Variants in ZNF426 observed in about 807,000 individuals in gnomAD.
The protein encoded by ZNF426 is zinc finger protein 426.
ZNF426 carries 23 observed loss-of-function variants against 24.0 expected under a neutral mutation model. The observed-to-expected ratio is 0.96, with a 90% CI of 0.69 to 1.36. The LOEUF is 1.36. Ranked by LOEUF, ZNF426 falls within the 40% of genes most tolerant of loss-of-function variation. The pLI, the probability that ZNF426 is intolerant of heterozygous loss-of-function variation, is 0.00. For synonymous variants in ZNF426, 272 were observed against 224.6 expected (o/e 1.21, Z -1.89); for missense variants, 646 against 658.4 (o/e 0.98, Z 0.21).
chr19:9,535,835 GAA>G (rs1214992506), intron 3 of ZNF426, among the ~76,000 whole-genome samples: 5 of 102,930 alleles, frequency 4.9e-5, no homozygotes, highest in Non-Finnish European at 6.5e-5. Flanking sequence ...CTTTGTATAA[GAA>G]AAAAAAAAAA....
chr19:9,534,486 T>C (rs2073935114), intron 4 of ZNF426, among the ~76,000 whole-genome samples: 1 of 152,232 alleles, frequency 6.6e-6, no homozygotes, highest in Non-Finnish European at 1.5e-5. Context: ...ATTACAGGCA[T>C]GAGCCACTGT....
chr19:9,535,038 C>G (rs1456295398), intron 4 of ZNF426, 150 bp downstream of exon 4: 2 of 571,640 alleles, frequency 3.5e-6, no homozygotes, highest in African/African-American at 4.0e-5. Context: ...GAGAGCATAG[C>G]ACTGCACTCC....
chr19:9,530,763 A>G (rs1393716712), intron 7 of ZNF426, among the ~76,000 whole-genome samples: 1 of 151,928 alleles, frequency 6.6e-6, no homozygotes, highest in Non-Finnish European at 1.5e-5. Flanking sequence ...ATCTCGTTTC[A>G]AAAAAACACC....
At chr19:9,534,819 TCCTGTACTCAAGCAATCTG>T (rs1158492790) in intron 4 of ZNF426, among the ~76,000 whole-genome samples, 1 of 151,986 alleles carries the variant, frequency 6.6e-6, no homozygotes, top group Non-Finnish European at 1.5e-5. Flanking sequence ...GATCTTGAAC[TCCTGTACTCAAGCAATCTG>T]CCTGCCTCAG....
chr19:9,536,170 C>A, intron 3 of ZNF426, 38 bp downstream of exon 3: 3 of 1,614,024 alleles, frequency 1.9e-6, no homozygotes, highest in Non-Finnish European at 1.7e-6. Flanking sequence ...TAAAGGGAAC[C>A]TAGAACAGGA....
rs1468535618 is a variant in ZNF426, at chr19:9,528,454, G to T, written c.1591C>A (p.Pro531Thr). 2 of 1,613,940 alleles carry T rather than the reference G, an allele frequency of 1.2e-6. No homozygotes were observed. Among genetic ancestry groups the T allele is most frequent in the Non-Finnish European group, 1.7e-6 (2 of 1,179,950 alleles). Residue 531 changes from proline to threonine, a missense_variant, in exon 8 of 8, where the codon CCC becomes ACC. Transcript: ENST00000253115. ...IHEKTHTEEK[P>T]YKCQQCGKAY... ...TTCCCGCATTGCTGACATTTATAGG[G>T]TTTCTCTTCTGTGTGAGTTTTTTCA...
chr19:9,535,821 G>A (rs187609469), intron 3 of ZNF426, among the ~76,000 whole-genome samples: 1 of 149,120 alleles, frequency 6.7e-6, no homozygotes, highest in Admixed American at 6.7e-5. Flanking sequence ...ACAAAAGAGC[G>A]AGACTTTGTA....
In ZNF426 at chr19:9,528,306, A is replaced by G; in HGVS notation, c.*74T>C. On this transcript the variant is annotated 3_prime_UTR_variant, in exon 8 of 8. Coordinates refer to ENST00000253115, the MANE Select transcript of ZNF426 (RefSeq NM_024106.3). ...CATGCAGCTTCTTCTCTCCAGAGTG[A>G]GTTCATTCATGTCTTTAAAGTGAAC... The G allele has an allele frequency of 3.6e-6, 5 of 1,400,184 alleles. No individual in the cohort carries two copies. The highest frequency in any genetic ancestry group is 4.9e-6 in the Non-Finnish European group (5 of 1,030,848). The allele number at this position is 1,400,184 out of a possible 1,614,324, so 86.7% of individuals were successfully genotyped here.
chr19:9,528,348 T>C lies in ZNF426; in HGVS notation c.*32A>G, dbSNP rs2073821781. 6.5e-7 allele frequency: 1 copy of C among 1,536,346 alleles called. No individual in the cohort carries two copies. Among genetic ancestry groups the C allele is most frequent in the African/African-American group, 1.4e-5 (1 of 72,218 alleles). On this transcript the variant is annotated 3_prime_UTR_variant, in exon 8 of 8. Coordinates refer to ENST00000253115, the MANE Select transcript of ZNF426 (RefSeq NM_024106.3). Reference sequence around the variant, plus strand: ...AAAGTGAACTGGAACAAATGAGAGCTTTCCCACATTTATTACATGGACAGT... The same window carrying C: ...AAAGTGAACTGGAACAAATGAGAGCCTTCCCACATTTATTACATGGACAGT...
intron 5 of ZNF426, among the ~76,000 whole-genome samples, chr19:9,533,495 A>C (rs979362221): frequency 1.3e-5 from 2 of 152,192 alleles, no homozygotes; most frequent in Non-Finnish European, 2.9e-5. Flanking sequence ...GAAGTATAAC[A>C]GAGATCTTCA....
At position 9,528,908 on chromosome 19, in the gene ZNF426, A is replaced by G; in HGVS notation, c.1137T>C (p.Leu379=). The change falls in exon 8 of 8, where the codon CTT becomes CTC. Residue 379 remains leucine (L), a synonymous_variant. Transcript: ENST00000253115. ...CGKSFLTSSR[L]IQHIRTHTGE... ...CAGTGTGAGTTCTTATATGTTGAATAAGGCGTGAGGATGTAAGGAAGGATT... is the reference window on the plus strand; with the variant it reads ...CAGTGTGAGTTCTTATATGTTGAATGAGGCGTGAGGATGTAAGGAAGGATT... 15 of 1,614,082 alleles carry G rather than the reference A, an allele frequency of 9.3e-6. No individual in the cohort carries two copies. Among genetic ancestry groups the G allele is most frequent in the Non-Finnish European group, 1.2e-5 (14 of 1,179,964 alleles).
In ZNF426 at chr19:9,529,281, C is replaced by G. The variant is rs747949960; in HGVS notation, c.764G>C (p.Arg255Thr). The change falls in exon 8 of 8, where the codon AGG becomes ACG. Residue 255 changes from arginine to threonine, a missense_variant. Coordinates refer to ENST00000253115, the MANE Select transcript of ZNF426 (RefSeq NM_024106.3). Reference protein sequence around the residue: ...THNGEKLYEWRNYGPGFIDST... With the variant: ...THNGEKLYEWTNYGPGFIDST... ...GTCAATAAAACCTGGCCCATAATTC[C>G]TCCATTCGTAGAGTTTTTCTCCATT... 3 of 1,613,810 alleles carry G rather than the reference C, an allele frequency of 1.9e-6. No homozygotes were observed. The South Asian group carries it at 3.3e-5, about 18-fold the overall frequency.
Position 9,528,338 on chromosome 19 carries a change from A to C in ZNF426, c.*42T>G. On this transcript the variant is annotated 3_prime_UTR_variant, in exon 8 of 8. Transcript: ENST00000253115. ...TCATGTCTTTAAAGTGAACTGGAACAAATGAGAGCTTTCCCACATTTATTA... is the reference window on the plus strand; with the variant it reads ...TCATGTCTTTAAAGTGAACTGGAACCAATGAGAGCTTTCCCACATTTATTA... The C allele has an allele frequency of 2.0e-6, 3 of 1,527,244 alleles. No homozygotes were observed. Among genetic ancestry groups the C allele is most frequent in the Non-Finnish European group, 2.6e-6 (3 of 1,137,810 alleles). 94.6% of individuals were successfully genotyped at this position (1,527,244 alleles called of 1,614,324 possible).
At chr19:9,530,847 A>T (rs1225151334) in intron 7 of ZNF426, 138 bp downstream of exon 7, 4 of 643,620 alleles carry the variant, frequency 6.2e-6, no homozygotes, top group South Asian at 1.9e-5. Flanking sequence ...TCACAATTGG[A>T]GCATCCCTAA....
intron 2 of ZNF426, among the ~76,000 whole-genome samples, chr19:9,537,885 T>C (rs558696187): frequency 6.6e-6 from 1 of 152,154 alleles, no homozygotes; most frequent in African/African-American, 2.4e-5. Context: ...AACTCCTTAA[T>C]CCAACCATCC....
chr19:9,536,105 C>G (rs2073961433), intron 3 of ZNF426, 103 bp downstream of exon 3: 1 of 1,516,576 alleles, frequency 6.6e-7, no homozygotes, highest in Admixed American at 1.7e-5. Flanking sequence ...CTCAGCACCT[C>G]CCAAATGAAT....
At chr19:9,535,332 C>A in intron 3 of ZNF426, 53 bp from the exon 4 acceptor site, 1 of 1,360,406 alleles carries the variant, frequency 7.4e-7, no homozygotes, top group Admixed American at 1.8e-5. Context: ...TCCCCACATC[C>A]ACCTACCTAG....
intron 3 of ZNF426, 131 bp downstream of exon 3, chr19:9,536,077 C>T (rs2073961115): frequency 8.9e-7 from 1 of 1,119,776 alleles, no homozygotes; most frequent in South Asian, 1.4e-5. Context: ...ACTCACAAGA[C>T]AGCACGTTCT....
At chr19:9,534,981 A>ACTTTATTT (rs750209439) in intron 4 of ZNF426, among the ~76,000 whole-genome samples, 4 of 151,028 alleles carry the variant, frequency 2.6e-5, no homozygotes, top group Non-Finnish European at 5.9e-5. Context: ...CTTGAGTGAC[A>ACTTTATTT]CTTTATTTGC....
Sources: allele counts gnomAD v4.1 joint callset (sites outside exome capture counted in the v4.1 genomes callset), GRCh38; gene constraint gnomAD v4.1.1; transcripts MANE v1.5; gene names NCBI Gene and HGNC (gene_info 2026-07-23, HGNC 2026-07-21).